Variants in FMN1 observed in about 807,000 individuals in gnomAD.
FMN1 encodes the protein formin-1.
FMN1 carries 110 observed loss-of-function variants against 132.4 expected under a neutral mutation model. The observed-to-expected ratio is 0.83, with a 90% CI of 0.71 to 0.97. The LOEUF is 0.97. Ranked by LOEUF, FMN1 falls within the 50% of genes least tolerant of loss-of-function variation. FMN1 has a pLI of 0.00. For missense variants in FMN1, 1,792 were observed against 1,705.3 expected (o/e 1.05, Z -0.90); for synonymous variants, 722 against 651.7 (o/e 1.11, Z -1.64).
intron 10 of FMN1, among the ~76,000 whole-genome samples, chr15:32,913,826 T>C (rs1249889922): frequency 3.3e-5 from 5 of 152,116 alleles, no homozygotes; most frequent in African/African-American, 7.2e-5. Flanking sequence ...ATGTATAACA[T>C]AGATGTTTGT....
intron 7 of FMN1, among the ~76,000 whole-genome samples, chr15:32,984,894 A>G (rs1369071670): frequency 6.7e-6 from 1 of 149,784 alleles, no homozygotes; most frequent in Non-Finnish European, 1.5e-5. Flanking sequence ...ATTTTTTAAC[A>G]TATTTATTGA....
At chr15:33,187,902 G>C (rs1965942113) in intron 2 of FMN1, among the ~76,000 whole-genome samples, 1 of 152,162 alleles carries the variant, frequency 6.6e-6, no homozygotes. Context: ...TATCTGCAAG[G>C]CTTGAATGAA....
At chr15:32,776,762 G>A (rs1355975085) in intron 20 of FMN1, 73 bp downstream of exon 20, 2 of 815,326 alleles carry the variant, frequency 2.5e-6, no homozygotes, top group Non-Finnish European at 4.0e-6. Flanking sequence ...TTTCATCTCT[G>A]AGCTTTAGCC....
chr15:33,042,318 T>A (rs1182206372), intron 6 of FMN1, among the ~76,000 whole-genome samples: 1 of 152,184 alleles, frequency 6.6e-6, no homozygotes, highest in Non-Finnish European at 1.5e-5. Context: ...TTCCTTATAT[T>A]GATCTATAAA....
chr15:32,959,945 T>C (rs950948290), intron 9 of FMN1, among the ~76,000 whole-genome samples: 4 of 152,194 alleles, frequency 2.6e-5, no homozygotes, highest in Admixed American at 1.3e-4. Flanking sequence ...GAGATTCTGG[T>C]GAGTTCAGGC....
At chr15:32,907,181 T>G (rs1391139318) in intron 12 of FMN1, among the ~76,000 whole-genome samples, 1 of 152,034 alleles carries the variant, frequency 6.6e-6, no homozygotes, top group Non-Finnish European at 1.5e-5. Flanking sequence ...ACATTTATTG[T>G]GCACTTTATT....
At chr15:33,096,510 T>C (rs536733867) in intron 4 of FMN1, among the ~76,000 whole-genome samples, 1 of 152,326 alleles carries the variant, frequency 6.6e-6, no homozygotes, top group South Asian at 2.1e-4. Context: ...AGAGTTTTCC[T>C]ATCTCCCTTC....
chr15:32,866,377 G>C (rs1184666881), intron 16 of FMN1, among the ~76,000 whole-genome samples: 1 of 151,838 alleles, frequency 6.6e-6, no homozygotes, highest in Non-Finnish European at 1.5e-5. Context: ...ATCTTGTGAG[G>C]ACTAAATAAA....
At chr15:32,911,396 A>C (rs2060558497) in intron 10 of FMN1, among the ~76,000 whole-genome samples, 1 of 152,144 alleles carries the variant, frequency 6.6e-6, no homozygotes, top group African/African-American at 2.4e-5. Context: ...CACGCTAGTA[A>C]ATTTTCTCCG....
At chr15:32,945,512 C>T (rs2061491174) in intron 9 of FMN1, among the ~76,000 whole-genome samples, 1 of 152,140 alleles carries the variant, frequency 6.6e-6, no homozygotes, top group African/African-American at 2.4e-5. Flanking sequence ...ACACGTATAT[C>T]TTTGGTGGCT....
chr15:32,973,619 T>C (rs2031972775), intron 7 of FMN1, among the ~76,000 whole-genome samples: 1 of 151,104 alleles, frequency 6.6e-6, no homozygotes, highest in Non-Finnish European at 1.5e-5. Context: ...TCCTGTTTCA[T>C]AATCTCTCTT....
chr15:33,065,093 A>AAT lies in FMN1; in HGVS notation c.2044-21_2044-20dup, dbSNP rs769651043. On this transcript the variant is annotated intron_variant, in intron 5 of 20. Transcript: ENST00000616417. The stretch of plus-strand genomic sequence containing the variant: ...GGTCAGGCTGTTGAAAGAGCAGGCA[A>AAT]ATAGTAAGTGGAATGTAGTCAGAGC... The AAT allele has an allele frequency of 1.9e-6, 3 of 1,541,086 alleles. No individual in the cohort carries two copies. Among genetic ancestry groups the AAT allele is most frequent in the Non-Finnish European group, 2.7e-6 (3 of 1,120,944 alleles).
At chr15:33,094,140 T>C (rs2038996499) in intron 4 of FMN1, among the ~76,000 whole-genome samples, 1 of 152,230 alleles carries the variant, frequency 6.6e-6, no homozygotes, top group African/African-American at 2.4e-5. Context: ...GGCTTTAACA[T>C]GTGGGCTAAA....
chr15:32,996,521 T>A (rs1392221490), intron 7 of FMN1, among the ~76,000 whole-genome samples: 1 of 152,194 alleles, frequency 6.6e-6, no homozygotes, highest in African/African-American at 2.4e-5. Context: ...CAAGGACCTT[T>A]AAGATCTTCC....
intron 17 of FMN1, among the ~76,000 whole-genome samples, chr15:32,839,080 A>G (rs891214024): frequency 3.3e-5 from 5 of 152,162 alleles, no homozygotes; most frequent in Admixed American, 3.3e-4. Context: ...GGAGCCTGTC[A>G]CATGGGACAG....
At chr15:33,133,636 G>C (rs1181962766) in intron 4 of FMN1, among the ~76,000 whole-genome samples, 16 of 152,166 alleles carry the variant, frequency 1.1e-4, no homozygotes, top group Admixed American at 1.0e-3. Context: ...AATGATAACT[G>C]TAAGTATGAA....
intron 16 of FMN1, among the ~76,000 whole-genome samples, chr15:32,862,278 G>T (rs1049702460): frequency 6.6e-6 from 1 of 152,048 alleles, no homozygotes; most frequent in Non-Finnish European, 1.5e-5. Flanking sequence ...TGCCTCAGGC[G>T]TGGGCTGTGC....
intron 6 of FMN1, among the ~76,000 whole-genome samples, chr15:33,035,591 A>C (rs539103525): frequency 1.3e-5 from 2 of 151,922 alleles, no homozygotes; most frequent in Non-Finnish European, 2.9e-5. Flanking sequence ...CTCTTTTCTT[A>C]TTTGGTTGCT....
At chr15:32,982,723 T>C (rs1225423533) in intron 7 of FMN1, among the ~76,000 whole-genome samples, 1 of 152,010 alleles carries the variant, frequency 6.6e-6, no homozygotes, top group Non-Finnish European at 1.5e-5. Flanking sequence ...TAAGAAAAAA[T>C]TCCTCCTGCC....
Sources: gnomAD v4.1 joint callset for allele counts (sites outside exome capture counted in the v4.1 genomes callset) on GRCh38, gnomAD v4.1.1 for gene constraint, MANE v1.5 for transcripts, NCBI Gene and HGNC (gene_info 2026-07-23, HGNC 2026-07-21) for gene names.